Variants in SPAG16 observed in about 807,000 individuals in gnomAD.
SPAG16 encodes sperm associated antigen 16, also known as sperm-associated antigen 16 protein.
A neutral mutation model predicts 80.4 loss-of-function variants in SPAG16; 86 were observed. The ratio of observed to expected loss-of-function variants is 1.07; its 90% CI spans 0.90 to 1.28. The LOEUF (loss-of-function observed/expected upper bound fraction) is 1.28, where lower values mean the gene tolerates loss of function less well. Among genes scored for constraint, SPAG16 ranks in the 50% most tolerant of loss-of-function variants. The pLI is 0.00. For missense variants in SPAG16, 870 were observed against 765.3 expected (o/e 1.14, Z -1.61); for synonymous variants, 294 against 265.9 (o/e 1.11, Z -1.03).
intron 10 of SPAG16, among the ~76,000 whole-genome samples, chr2:213,835,788 G>C (rs1231589916): frequency 6.6e-6 from 1 of 152,020 alleles, no homozygotes; most frequent in Non-Finnish European, 1.5e-5. Context: ...ATAACTATGT[G>C]AATAGTTTTC....
chr2:213,760,674 A>G (rs1267914063), intron 10 of SPAG16, among the ~76,000 whole-genome samples: 1 of 152,208 alleles, frequency 6.6e-6, no homozygotes, highest in Non-Finnish European at 1.5e-5. Flanking sequence ...TTAGATTGAA[A>G]AGATAGTTAT....
rs150746406 is a variant in SPAG16, at chr2:213,589,129, G to A, written c.1070+99039G>A. 1.6e-3 allele frequency among the ~76,000 whole-genome samples: 240 copies of A among 152,226 alleles called. 3 individuals are homozygous for A. Among genetic ancestry groups the A allele is most frequent in the African/African-American group, 4.7e-3 (195 of 41,550 alleles). ...TTTACAATACTCTCTTGTGAACAAAGAAGAAATAATAATATAGAATGCTTA... is the reference window on the plus strand; with the variant it reads ...TTTACAATACTCTCTTGTGAACAAAAAAGAAATAATAATATAGAATGCTTA... On this transcript the variant is annotated intron_variant, in intron 10 of 15. Transcript: ENST00000331683.
At chr2:213,455,571 G>A (rs1003959002) in intron 9 of SPAG16, among the ~76,000 whole-genome samples, 1 of 152,152 alleles carries the variant, frequency 6.6e-6, no homozygotes, top group African/African-American at 2.4e-5. Flanking sequence ...CTGGTTTCAT[G>A]GAAGACAATT....
Position 213,816,189 on chromosome 2 carries a change from T to G in SPAG16, c.1071-46296T>G, listed in dbSNP as rs116614245. Among the ~76,000 whole-genome samples the G allele has an allele frequency of 1.9e-3, 295 of 152,292 alleles. 1 individual carries two copies. The highest frequency in any genetic ancestry group is 6.9e-3 in the African/African-American group (286 of 41,578). ...ATCATACAGTATATACTTTTTTGTA[T>G]GTGATTTTTAAAATAGTATTTTGTG... is the stretch of plus-strand genomic sequence containing the variant. On this transcript the variant is annotated intron_variant, in intron 10 of 15. Coordinates refer to ENST00000331683, the MANE Select transcript of SPAG16 (RefSeq NM_024532.5).
intron 3 of SPAG16, among the ~76,000 whole-genome samples, chr2:213,298,900 G>A (rs570602143): frequency 6.6e-6 from 1 of 152,234 alleles, no homozygotes; most frequent in African/African-American, 2.4e-5. Flanking sequence ...CACAGAAGTT[G>A]TCCTTAAGCT....
At chr2:213,308,489 T>A (rs1227298273) in intron 3 of SPAG16, among the ~76,000 whole-genome samples, 2 of 152,106 alleles carry the variant, frequency 1.3e-5, no homozygotes, top group African/African-American at 4.8e-5. Context: ...TTTGAAAATA[T>A]GATTTAGTGT....
chr2:213,646,531 A>ATCATATTACAT (rs2062830690), intron 10 of SPAG16, among the ~76,000 whole-genome samples: 1 of 152,234 alleles, frequency 6.6e-6, no homozygotes, highest in Admixed American at 6.5e-5. Flanking sequence ...TGGACTTAAT[A>ATCATATTACAT]GTGATTAGAG....
At chr2:214,309,421 C>A (rs956219735) in intron 15 of SPAG16, among the ~76,000 whole-genome samples, 4 of 152,150 alleles carry the variant, frequency 2.6e-5, no homozygotes, top group Non-Finnish European at 4.4e-5. Flanking sequence ...TGGCTTTAAA[C>A]CCTCTCTGAA....
At chr2:214,083,773 A>T (rs909696678) in intron 13 of SPAG16, among the ~76,000 whole-genome samples, 7 of 152,086 alleles carry the variant, frequency 4.6e-5, no homozygotes, top group Admixed American at 1.3e-4. Flanking sequence ...GGTATATGAA[A>T]CTTGTCACTC....
chr2:213,610,231 A>G (rs1163338547), intron 10 of SPAG16, among the ~76,000 whole-genome samples: 1 of 152,176 alleles, frequency 6.6e-6, no homozygotes, highest in Non-Finnish European at 1.5e-5. Context: ...GTTTGTTAAG[A>G]GGACCTGCAA....
chr2:213,299,239 C>T (rs2062624926), intron 3 of SPAG16, among the ~76,000 whole-genome samples: 2 of 150,802 alleles, frequency 1.3e-5, no homozygotes, highest in South Asian at 4.2e-4. Flanking sequence ...AAAATATTAA[C>T]AAAAAATGAC....
chr2:213,528,339 T>G (rs2075959655), intron 10 of SPAG16, among the ~76,000 whole-genome samples: 1 of 152,176 alleles, frequency 6.6e-6, no homozygotes, highest in Non-Finnish European at 1.5e-5. Flanking sequence ...AAGTTTGATG[T>G]TGTAAATAAA....
chr2:214,343,077 G>T (rs1217662410), intron 15 of SPAG16, among the ~76,000 whole-genome samples: 3 of 151,838 alleles, frequency 2.0e-5, no homozygotes, highest in Non-Finnish European at 4.4e-5. Context: ...AAAATGGGAA[G>T]GCCAAAGATA....
chr2:213,581,997 T>G (rs1392564636), intron 10 of SPAG16, among the ~76,000 whole-genome samples: 1 of 152,184 alleles, frequency 6.6e-6, no homozygotes, highest in African/African-American at 2.4e-5. Context: ...TCAGAGACAT[T>G]GGTTAATTAT....
chr2:213,924,161 T>C (rs4672694), intron 11 of SPAG16, among the ~76,000 whole-genome samples: 88,570 of 151,704 alleles, frequency 0.58, 27,642 homozygotes, highest in South Asian at 0.84. Flanking sequence ...ACTGCAACTA[T>C]GCCTTTATTC....
chr2:213,658,602 G>A (rs1230035175), intron 10 of SPAG16, among the ~76,000 whole-genome samples: 1 of 152,192 alleles, frequency 6.6e-6, no homozygotes, highest in Admixed American at 6.5e-5. Flanking sequence ...AACTGAGGTA[G>A]TGAAAGGTGA....
At chr2:213,952,064 G>T (rs2079812849) in intron 12 of SPAG16, among the ~76,000 whole-genome samples, 1 of 152,052 alleles carries the variant, frequency 6.6e-6, no homozygotes, top group Non-Finnish European at 1.5e-5. Flanking sequence ...ATCACTGAGG[G>T]ATGATCTAAA....
rs117334113 is a variant in SPAG16 at position 214,097,712 on chromosome 2, G to A, written c.1528-10484G>A. ...ATTAGTTTAAAAATATGTATTAAAT[G>A]CTTCCCACGTGCTAATTCATCGTTG... On this transcript the variant is annotated intron_variant, in intron 13 of 15. Coordinates refer to ENST00000331683, the MANE Select transcript of SPAG16 (RefSeq NM_024532.5). 1.1e-3 allele frequency among the ~76,000 whole-genome samples: 160 copies of A among 152,006 alleles called. No homozygotes were observed. The East Asian group carries it at 0.022, about 21-fold the overall frequency.
At chr2:213,753,100 C>G (rs1332883687) in intron 10 of SPAG16, among the ~76,000 whole-genome samples, 1 of 152,288 alleles carries the variant, frequency 6.6e-6, no homozygotes, top group East Asian at 1.9e-4. Context: ...GCAAGCTCCA[C>G]CTCCCAGGTT....
Sources: allele counts gnomAD v4.1 joint callset (sites outside exome capture counted in the v4.1 genomes callset), GRCh38; gene constraint gnomAD v4.1.1; transcripts MANE v1.5; gene names NCBI Gene and HGNC (gene_info 2026-07-23, HGNC 2026-07-21).